CEP128: variants seen among roughly 807,000 people sequenced by gnomAD.
CEP128 encodes the protein centrosomal protein 128kDa.
Under a neutral mutation model 156.7 loss-of-function variants are expected in CEP128, and 132 were observed. The observed-to-expected ratio is 0.84, with a 90% confidence interval of 0.73 to 0.97. The LOEUF is 0.97. Among genes scored for constraint, CEP128 ranks in the 50% least tolerant of loss-of-function variants. The pLI is 0.00. For synonymous variants in CEP128, 469 were observed against 448.9 expected (o/e 1.04, Z -0.57); for missense variants, 1,252 against 1,281.9 (o/e 0.98, Z 0.36).
At chr14:80,905,364 A>G (rs1421609663) in intron 5 of CEP128, 1 of 156,376 alleles carries the variant, frequency 6.4e-6, no homozygotes, top group Non-Finnish European at 1.4e-5. Flanking sequence ...CCAATTTTTA[A>G]TCATTGTTAC....
chr14:80,771,705 C>T (rs1900519503), intron 16 of CEP128, among the ~76,000 whole-genome samples: 2 of 152,184 alleles, frequency 1.3e-5, no homozygotes, highest in Non-Finnish European at 2.9e-5. Flanking sequence ...AAGTTTTTCT[C>T]ATCTTCTGAA....
chr14:80,664,165 A>ACCTAAAAATCAGAAATAGGAGACG lies in CEP128; in HGVS notation c.2806+78886_2806+78909dup, dbSNP rs1191024387. On this transcript the variant is annotated intron_variant, in intron 19 of 24. Transcript: ENST00000555265. ...AATTATGGACAATAATCTAGGTAAT[A>ACCTAAAAATCAGAAATAGGAGACG]CCTAAAAATCAGAAATAGGAGACGC... Among the ~76,000 whole-genome samples the ACCTAAAAATCAGAAATAGGAGACG allele has an allele frequency of 5.3e-5, 8 of 152,270 alleles. No homozygotes were observed. In the East Asian group the frequency reaches 1.5e-3, roughly 29 times the overall value.
intron 19 of CEP128, among the ~76,000 whole-genome samples, chr14:80,659,423 A>G (rs1056039206): frequency 1.3e-5 from 2 of 152,216 alleles, no homozygotes; most frequent in African/African-American, 4.8e-5. Context: ...TTGGCACATA[A>G]CAAGGGCACC....
chr14:80,712,578 C>T (rs767567323), intron 19 of CEP128, among the ~76,000 whole-genome samples: 6 of 152,080 alleles, frequency 3.9e-5, no homozygotes, highest in Non-Finnish European at 8.8e-5. Context: ...GTCCTGAGTA[C>T]CCAGAGCATG....
intron 2 of CEP128, among the ~76,000 whole-genome samples, chr14:80,952,209 T>A (rs1051475654): frequency 7.5e-6 from 1 of 133,554 alleles, no homozygotes; most frequent in Non-Finnish European, 1.5e-5. Context: ...TGATCACTTA[T>A]TTTTTTTCAA....
chr14:80,655,177 G>A (rs909582230), intron 19 of CEP128, among the ~76,000 whole-genome samples: 1 of 152,026 alleles, frequency 6.6e-6, no homozygotes, highest in African/African-American at 2.4e-5. Context: ...CCCAGGCAGT[G>A]GAATGGAGGA....
chr14:80,874,699 G>T (rs1278568864), intron 8 of CEP128, among the ~76,000 whole-genome samples: 1 of 151,980 alleles, frequency 6.6e-6, no homozygotes, highest in Non-Finnish European at 1.5e-5. Context: ...CTCACTGCAA[G>T]CTCCACCTCC....
chr14:80,491,368 G>C (rs1259283727), intron 6 of CEP128, among the ~76,000 whole-genome samples: 1 of 152,152 alleles, frequency 6.6e-6, no homozygotes, highest in Non-Finnish European at 1.5e-5. Flanking sequence ...CTCTGGGCAG[G>C]AAGTGCCTCG....
In CEP128 at chr14:80,836,335, T is replaced by A; in HGVS notation, c.927A>T (p.Val309=). 6.2e-7 allele frequency: 1 copy of A among 1,613,826 alleles called. No homozygotes were observed. Among genetic ancestry groups the A allele is most frequent in the Non-Finnish European group, 8.5e-7 (1 of 1,179,878 alleles). ...TCGTAAGTTGTGTACGCAGTTCTTCTACCTAACACATGGTCAAAAATCAAA... is the reference window on the plus strand; with the variant it reads ...TCGTAAGTTGTGTACGCAGTTCTTCAACCTAACACATGGTCAAAAATCAAA... The part of the protein sequence containing the change: ...EGSRETLLHQ[V]EELRTQLTKA... The change falls in exon 12 of 25, where the codon GTA becomes GTT. Residue 309 remains valine (V), a splice_region_variant and synonymous_variant. Coordinates refer to ENST00000555265, the MANE Select transcript of CEP128 (RefSeq NM_152446.5).
intron 19 of CEP128, among the ~76,000 whole-genome samples, chr14:80,729,471 G>A (rs2139515386): frequency 6.6e-6 from 1 of 152,150 alleles, no homozygotes; most frequent in South Asian, 2.1e-4. Context: ...AAATTGTGCT[G>A]CTATAAACAT....
At chr14:80,813,244 T>A (rs1037424191) in intron 13 of CEP128, among the ~76,000 whole-genome samples, 40 of 152,298 alleles carry the variant, frequency 2.6e-4, no homozygotes, top group African/African-American at 9.4e-4. Context: ...AATTTTTGTT[T>A]TTGTTGCAAT....
At chr14:80,626,340 T>C (rs894502972) in intron 19 of CEP128, among the ~76,000 whole-genome samples, 1 of 151,264 alleles carries the variant, frequency 6.6e-6, no homozygotes, top group African/African-American at 2.4e-5. Context: ...GGCGGGCGCC[T>C]GTAGTCCCAG....
intron 14 of CEP128, among the ~76,000 whole-genome samples, chr14:80,788,586 C>A (rs541307149): frequency 6.6e-6 from 1 of 151,996 alleles, no homozygotes; most frequent in Non-Finnish European, 1.5e-5. Flanking sequence ...TAAAGTTTTC[C>A]TACCAGTCAC....
At chr14:80,537,395 G>A (rs905101952) in intron 21 of CEP128, among the ~76,000 whole-genome samples, 2 of 152,034 alleles carry the variant, frequency 1.3e-5, no homozygotes, top group Non-Finnish European at 2.9e-5. Flanking sequence ...GAAGACAGAG[G>A]AAATAAAAGA....
chr14:80,836,314 A>C lies in CEP128; in HGVS notation c.948T>G (p.Leu316=). 6.2e-7 allele frequency: 1 copy of C among 1,614,038 alleles called. No homozygotes were observed. The highest frequency in any genetic ancestry group is 1.1e-5 in the South Asian group (1 of 91,072). The change falls in exon 12 of 25, where the codon CTT becomes CTG. Residue 316 remains leucine (L), a synonymous_variant. Coordinates refer to ENST00000555265, the MANE Select transcript of CEP128 (RefSeq NM_152446.5). ...CCTTTCGATCACCTTCTGCTTTCGT[A>C]AGTTGTGTACGCAGTTCTTCTACCT... The part of the protein sequence containing the change: ...LHQVEELRTQ[L]TKAEGDRKGL...
Position 80,904,573 on chromosome 14 carries a change from T to C in CEP128, c.480+240A>G, listed in dbSNP as rs1010907829. Reference sequence around the variant, plus strand: ...CTTGATTTGATCATGCCACATTGCATACATATATTAAAACATCATATTATA... The same window carrying C: ...CTTGATTTGATCATGCCACATTGCACACATATATTAAAACATCATATTATA... On this transcript the variant is annotated intron_variant, in intron 6 of 24. Coordinates refer to ENST00000555265, the MANE Select transcript of CEP128 (RefSeq NM_152446.5). Among the ~76,000 whole-genome samples, 9 of 152,122 alleles carry C rather than the reference T, an allele frequency of 5.9e-5. 1 individual carries two copies. Among genetic ancestry groups the C allele is most frequent in the Admixed American group, 3.9e-4 (6 of 15,272 alleles).
intron 19 of CEP128, among the ~76,000 whole-genome samples, chr14:80,679,048 T>C (rs1896204989): frequency 6.6e-6 from 1 of 152,214 alleles, no homozygotes; most frequent in Non-Finnish European, 1.5e-5. Flanking sequence ...AATAATACTC[T>C]TATAATTTCT....
intron 19 of CEP128, among the ~76,000 whole-genome samples, chr14:80,734,348 G>A (rs1188387523): frequency 6.6e-6 from 1 of 151,908 alleles, no homozygotes; most frequent in Non-Finnish European, 1.5e-5. Flanking sequence ...GGGAGGAAGG[G>A]GCCCACAAAA....
chr14:80,724,673 A>G (rs1897944397), intron 19 of CEP128, among the ~76,000 whole-genome samples: 1 of 152,060 alleles, frequency 6.6e-6, no homozygotes, highest in Non-Finnish European at 1.5e-5. Flanking sequence ...TGGGGTTGAC[A>G]GTAGGACTTG....
Sources: gnomAD v4.1 joint callset for allele counts (sites outside exome capture counted in the v4.1 genomes callset) on GRCh38, gnomAD v4.1.1 for gene constraint, MANE v1.5 for transcripts, NCBI Gene and HGNC (gene_info 2026-07-23, HGNC 2026-07-21) for gene names.